NXPH1: variants seen among roughly 807,000 people sequenced by gnomAD.
The protein encoded by NXPH1 is neurexophilin 1, also known as neurexophilin-1.
In NXPH1, 5 loss-of-function variants were observed where a neutral mutation model predicts 23.7. That is an observed-to-expected ratio of 0.21 (90% confidence interval 0.11 to 0.44). NXPH1 has a LOEUF of 0.44. Among genes scored for constraint, NXPH1 ranks in the 20% least tolerant of loss-of-function variants. NXPH1 has a pLI of 0.99. For missense variants in NXPH1, 324 were observed against 321.6 expected, an observed-to-expected ratio of 1.01 and a Z score of -0.06; for synonymous variants, 144 against 122.2, an observed-to-expected ratio of 1.18 and a Z score of -1.18.
chr7:8,441,185 A>T (rs936568324), intron 2 of NXPH1, among the ~76,000 whole-genome samples: 1 of 152,208 alleles, frequency 6.6e-6, no homozygotes. Context: ...CGAGCCTGCC[A>T]GCCGAGAGCG....
At chr7:8,747,246 G>A (rs530221927) in intron 2 of NXPH1, among the ~76,000 whole-genome samples, 2 of 152,280 alleles carry the variant, frequency 1.3e-5, no homozygotes, top group East Asian at 1.9e-4. Context: ...ACTCCAGAGT[G>A]CACTCCCATA....
At chr7:8,515,658 C>A (rs1817676104) in intron 2 of NXPH1, among the ~76,000 whole-genome samples, 1 of 152,060 alleles carries the variant, frequency 6.6e-6, no homozygotes, top group African/African-American at 2.4e-5. Flanking sequence ...CCATGGTGTT[C>A]TAAAGGGCTG....
chr7:8,627,923 G>A (rs182509066), intron 2 of NXPH1, among the ~76,000 whole-genome samples: 2 of 152,154 alleles, frequency 1.3e-5, no homozygotes, highest in East Asian at 3.9e-4. Context: ...TTTGAGATCT[G>A]TGGATAAAAG....
At chr7:8,666,415 A>G (rs1025220036) in intron 2 of NXPH1, among the ~76,000 whole-genome samples, 2 of 152,002 alleles carry the variant, frequency 1.3e-5, no homozygotes, top group South Asian at 2.1e-4. Context: ...TCCTTTTAAT[A>G]TGCTGCATAA....
At chr7:8,700,514 T>C (rs1333133252) in intron 2 of NXPH1, among the ~76,000 whole-genome samples, 1 of 152,154 alleles carries the variant, frequency 6.6e-6, no homozygotes, top group Non-Finnish European at 1.5e-5. Flanking sequence ...AACGGCCTAT[T>C]ATAGAGATAA....
At chr7:8,740,097 G>A (rs1780335175) in intron 2 of NXPH1, among the ~76,000 whole-genome samples, 1 of 152,188 alleles carries the variant, frequency 6.6e-6, no homozygotes, top group Admixed American at 6.5e-5. Context: ...CCAGTCAGGA[G>A]ACAAGTATAG....
At chr7:8,710,705 G>C (rs1455970613) in intron 2 of NXPH1, among the ~76,000 whole-genome samples, 1 of 113,988 alleles carries the variant, frequency 8.8e-6, no homozygotes, top group Non-Finnish European at 1.6e-5. Context: ...GCCCAGGCCG[G>C]ACTGCGGACT....
intron 2 of NXPH1, among the ~76,000 whole-genome samples, chr7:8,550,930 C>T (rs1254905340): frequency 2.0e-5 from 3 of 151,424 alleles, no homozygotes; most frequent in Non-Finnish European, 4.4e-5. Context: ...CAATTTTGAA[C>T]AACACATATT....
intron 2 of NXPH1, among the ~76,000 whole-genome samples, chr7:8,678,741 G>T (rs992893693): frequency 1.1e-4 from 16 of 151,570 alleles, no homozygotes; most frequent in Non-Finnish European, 1.8e-4. Flanking sequence ...CTGCCTGCAG[G>T]TTTGTGGTCT....
chr7:8,554,055 T>C (rs1367431104), intron 2 of NXPH1, among the ~76,000 whole-genome samples: 1 of 151,694 alleles, frequency 6.6e-6, no homozygotes, highest in Non-Finnish European at 1.5e-5. Flanking sequence ...TCTACTGTGC[T>C]GTAAGAGGTA....
chr7:8,589,289 G>A (rs985413102), intron 2 of NXPH1, among the ~76,000 whole-genome samples: 9 of 152,076 alleles, frequency 5.9e-5, no homozygotes. Flanking sequence ...ATCTTTGGCA[G>A]GCCCGGTCAC....
intron 2 of NXPH1, among the ~76,000 whole-genome samples, chr7:8,708,368 T>C (rs1319281380): frequency 6.6e-6 from 1 of 152,098 alleles, no homozygotes; most frequent in Non-Finnish European, 1.5e-5. Context: ...TTTTAAATTT[T>C]TTTGGTTTTG....
intron 2 of NXPH1, among the ~76,000 whole-genome samples, chr7:8,643,090 C>T (rs1820344157): frequency 6.6e-6 from 1 of 151,978 alleles, no homozygotes; most frequent in Non-Finnish European, 1.5e-5. Flanking sequence ...GTCTCGAACT[C>T]CTGACTTCAT....
intron 2 of NXPH1, among the ~76,000 whole-genome samples, chr7:8,721,213 A>G (rs1412767402): frequency 6.6e-6 from 1 of 152,186 alleles, no homozygotes; most frequent in Non-Finnish European, 1.5e-5. Context: ...AGTTACTCTC[A>G]AAATGGCTCA....
chr7:8,656,765 T>C (rs1820589682), intron 2 of NXPH1, among the ~76,000 whole-genome samples: 1 of 149,806 alleles, frequency 6.7e-6, no homozygotes, highest in Non-Finnish European at 1.5e-5. Context: ...CATTGTTCAA[T>C]TCCCACCTAT....
In NXPH1 at chr7:8,435,409, C is replaced by G. The variant is rs568037021; in HGVS notation, c.-110-195C>G. 3 of 478,796 alleles carry G rather than the reference C, an allele frequency of 6.3e-6. No homozygotes were observed. Among genetic ancestry groups the G allele is most frequent in the Non-Finnish European group, 1.1e-5 (3 of 265,458 alleles). 29.7% of individuals were successfully genotyped at this position (478,796 alleles called of 1,614,324 possible). ...CCCCTCACCCTCCCTCTCGTCCGCC[C>G]GCCCGCCTCCCCAGCTGCGGACCGC... is the stretch of plus-strand genomic sequence containing the variant. On this transcript the variant is annotated intron_variant, in intron 1 of 2. Coordinates refer to ENST00000405863, the MANE Select transcript of NXPH1 (RefSeq NM_152745.3). The surrounding 1 kb of genome is among the most constrained non-coding windows in gnomAD (Gnocchi z 5.9).
At chr7:8,574,390 G>A (rs540614394) in intron 2 of NXPH1, among the ~76,000 whole-genome samples, 1 of 152,058 alleles carries the variant, frequency 6.6e-6, no homozygotes. Context: ...CTGGGACTCT[G>A]ACTCGAACTG....
At chr7:8,502,852 C>G (rs537667444) in intron 2 of NXPH1, among the ~76,000 whole-genome samples, 1 of 151,854 alleles carries the variant, frequency 6.6e-6, no homozygotes, top group African/African-American at 2.4e-5. Context: ...TGGGCTGGGC[C>G]TCCGAATGTG....
chr7:8,620,339 A>T (rs2115122586), intron 2 of NXPH1, among the ~76,000 whole-genome samples: 1 of 152,224 alleles, frequency 6.6e-6, no homozygotes, highest in East Asian at 1.9e-4. Context: ...TCCTACCGAC[A>T]GTTTGTGTGG....
Sources: allele counts gnomAD v4.1 joint callset (sites outside exome capture counted in the v4.1 genomes callset), GRCh38; gene constraint gnomAD v4.1.1; non-coding constraint Gnocchi (gnomAD v3.1); transcripts MANE v1.5; gene names NCBI Gene and HGNC (gene_info 2026-07-23, HGNC 2026-07-21).